The following TEX2 variants were observed in gnomAD, a reference collection of about 807,000 sequenced individuals.
TEX2 encodes the protein testis-expressed protein 2.
Under a neutral mutation model 106.9 loss-of-function variants are expected in TEX2, and 53 were observed. The ratio of observed to expected loss-of-function variants is 0.50; its 90% CI spans 0.40 to 0.62. The LOEUF is 0.62. Ranked by LOEUF, TEX2 falls within the 20% of genes least tolerant of loss-of-function variation. The probability of loss-of-function intolerance (pLI) is 0.00; values close to 1 mark genes in which losing one functional copy is unlikely to be tolerated. For missense variants in TEX2, 1,207 were observed against 1,379.0 expected (o/e 0.88, Z 1.98); for synonymous variants, 523 against 534.8 (o/e 0.98, Z 0.30).
chr17:64,244,381 T>C (rs1186469400), intron 1 of TEX2, among the ~76,000 whole-genome samples: 1 of 152,200 alleles, frequency 6.6e-6, no homozygotes, highest in Non-Finnish European at 1.5e-5. Context: ...AGGTCTTCAC[T>C]TAGGGTTTGG....
intron 2 of TEX2, among the ~76,000 whole-genome samples, chr17:64,198,327 G>A (rs915688305): frequency 6.7e-6 from 1 of 149,894 alleles, no homozygotes; most frequent in Non-Finnish European, 1.5e-5. Context: ...GGTTTACCAG[G>A]GCTAAAGTTC....
In TEX2 at chr17:64,189,141, A is replaced by C. The variant is rs376690155; in HGVS notation, c.2177-726T>G. 3.5e-4 allele frequency among the ~76,000 whole-genome samples: 53 copies of C among 152,312 alleles called. 2 individuals carry two copies. The East Asian group carries it at 7.1e-3, about 21-fold the overall frequency. On this transcript the variant is annotated intron_variant, in intron 4 of 11. Transcript: ENST00000584379. Reference sequence around the variant, plus strand: ...TCTTTCATTCGACAAATTATGCATCAAGCACTTTCAAGCACACCATGCTAA... The same window carrying C: ...TCTTTCATTCGACAAATTATGCATCCAGCACTTTCAAGCACACCATGCTAA...
chr17:64,218,079 T>C (rs2033236950), intron 1 of TEX2, among the ~76,000 whole-genome samples: 2 of 152,034 alleles, frequency 1.3e-5, no homozygotes, highest in African/African-American at 2.4e-5. Context: ...AATGAATACA[T>C]TGAAAAAAAA....
intron 5 of TEX2, among the ~76,000 whole-genome samples, chr17:64,181,111 A>G (rs1168693888): frequency 1.6e-4 from 2 of 12,820 alleles, no homozygotes; most frequent in Non-Finnish European, 3.4e-4. Context: ...AACATTATTT[A>G]AAACAGTTTT....
chr17:64,249,298 T>C (rs1240663299), intron 1 of TEX2, among the ~76,000 whole-genome samples: 1 of 152,054 alleles, frequency 6.6e-6, no homozygotes, highest in Admixed American at 6.5e-5. Flanking sequence ...TACTTAGCAG[T>C]GTGTAGGGTG....
At chr17:64,179,445 C>G (rs1438579508) in intron 5 of TEX2, among the ~76,000 whole-genome samples, 1 of 152,178 alleles carries the variant, frequency 6.6e-6, no homozygotes. Context: ...TGCTTGGGTG[C>G]CCTTACACAG....
chr17:64,184,356 C>T (rs1313815725), intron 5 of TEX2, among the ~76,000 whole-genome samples: 1 of 152,156 alleles, frequency 6.6e-6, no homozygotes, highest in Non-Finnish European at 1.5e-5. Flanking sequence ...CCTGCCTTGG[C>T]CTCCCAAAGT....
At chr17:64,252,813 G>A (rs2034116354) in intron 1 of TEX2, among the ~76,000 whole-genome samples, 1 of 152,124 alleles carries the variant, frequency 6.6e-6, no homozygotes, top group African/African-American at 2.4e-5. Flanking sequence ...AGGAAAAGCA[G>A]GTATCTACAA....
intron 2 of TEX2, among the ~76,000 whole-genome samples, chr17:64,211,145 G>A (rs948996473): frequency 6.6e-6 from 1 of 152,076 alleles, no homozygotes; most frequent in Non-Finnish European, 1.5e-5. Context: ...ATTTTTAGTA[G>A]AGACAGGGTT....
chr17:64,201,971 G>A (rs1200297159), intron 2 of TEX2, among the ~76,000 whole-genome samples: 4 of 152,330 alleles, frequency 2.6e-5, no homozygotes, highest in Middle Eastern at 3.4e-3. Flanking sequence ...CAGCTTATAA[G>A]TACAGTGCTA....
At chr17:64,241,366 A>G (rs1309297424) in intron 1 of TEX2, among the ~76,000 whole-genome samples, 1 of 152,228 alleles carries the variant, frequency 6.6e-6, no homozygotes, top group African/African-American at 2.4e-5. Context: ...ACAATAAGGA[A>G]AAAACAGATA....
intron 6 of TEX2, among the ~76,000 whole-genome samples, chr17:64,173,940 G>C (rs1423467148): frequency 6.6e-6 from 1 of 152,114 alleles, no homozygotes; most frequent in Non-Finnish European, 1.5e-5. Context: ...CAGCCTCCTG[G>C]GGTGAAGCGA....
chr17:64,218,446 T>G, intron 1 of TEX2, among the ~76,000 whole-genome samples: 2 of 138,852 alleles, frequency 1.4e-5, no homozygotes, highest in Non-Finnish European at 1.5e-5. Context: ...AAAGACAGAG[T>G]CTTGCTCTGT....
intron 1 of TEX2, among the ~76,000 whole-genome samples, chr17:64,234,621 C>T (rs2033727958): frequency 6.6e-6 from 1 of 152,164 alleles, no homozygotes; most frequent in Non-Finnish European, 1.5e-5. Context: ...CTGGATCTGT[C>T]GAATGAGGAC....
rs921198797 is a variant in TEX2 at position 64,256,749 on chromosome 17, C to T, written c.-26+6419G>A. On this transcript the variant is annotated intron_variant, in intron 1 of 11. Coordinates refer to ENST00000584379, the MANE Select transcript of TEX2 (RefSeq NM_001288732.2). The stretch of plus-strand genomic sequence containing the variant: ...CAGATTTCCAATGCCAAGCACAATG[C>T]TTGGCCCTGGTAGATGCTCAAATAC... 3.3e-5 allele frequency among the ~76,000 whole-genome samples: 5 copies of T among 152,358 alleles called. No individual in the cohort carries two copies. The East Asian group carries it at 7.7e-4, about 24-fold the overall frequency.
rs546807367 is a variant in TEX2, at chr17:64,232,340, T to C, written c.-25-18098A>G. Among the ~76,000 whole-genome samples, 12 of 152,324 alleles carry C rather than the reference T, an allele frequency of 7.9e-5. No homozygotes were observed. The South Asian group carries it at 2.5e-3, about 32-fold the overall frequency. On this transcript the variant is annotated intron_variant, in intron 1 of 11. Transcript: ENST00000584379. ...GTTTCATCAACCTCTTTTTTTTCTG[T>C]CCCCTCCCCATGTTGGCCACATGTT...
At chr17:64,170,412 G>T (rs531949533) in intron 7 of TEX2, among the ~76,000 whole-genome samples, 2 of 152,134 alleles carry the variant, frequency 1.3e-5, no homozygotes, top group African/African-American at 2.4e-5. Context: ...CCTGGCAAGC[G>T]GCTAGGGCTG....
chr17:64,168,655 G>A (rs910048145), intron 7 of TEX2, among the ~76,000 whole-genome samples: 10 of 152,204 alleles, frequency 6.6e-5, no homozygotes, highest in African/African-American at 2.4e-4. Context: ...ATTCAGCAAA[G>A]GGCAGTCCTG....
In TEX2 at chr17:64,157,856, G is replaced by T. The variant is rs149462359; in HGVS notation, c.2805-2889C>A. 3.8e-3 allele frequency among the ~76,000 whole-genome samples: 579 copies of T among 152,282 alleles called. 2 individuals are homozygous for T. Among genetic ancestry groups the T allele is most frequent in the South Asian group, 8.7e-3 (42 of 4,828 alleles). ...CAGATGGGGCCACCTTCTGACTTGGGGACTTGTACAAAGGGCCCAGACTGC... is the reference window on the plus strand; with the variant it reads ...CAGATGGGGCCACCTTCTGACTTGGTGACTTGTACAAAGGGCCCAGACTGC... On this transcript the variant is annotated intron_variant, in intron 8 of 11. Transcript: ENST00000584379.
Sources: gnomAD v4.1 joint callset for allele counts (sites outside exome capture counted in the v4.1 genomes callset) on GRCh38, gnomAD v4.1.1 for gene constraint, MANE v1.5 for transcripts, NCBI Gene and HGNC (gene_info 2026-07-23, HGNC 2026-07-21) for gene names.